Variants in HMGA2 observed in about 807,000 individuals in gnomAD.
HMGA2 encodes high mobility group protein HMGI-C.
In HMGA2, 8 loss-of-function variants were observed where a neutral mutation model predicts 19.1. The ratio of observed to expected loss-of-function variants is 0.42; its 90% CI spans 0.25 to 0.76. The LOEUF is 0.76. HMGA2 is among the 30% of genes least tolerant of loss of function. The pLI is 0.28. For synonymous variants in HMGA2, 60 were observed against 48.8 expected (o/e 1.23, Z -0.96); for missense variants, 109 against 136.3 (o/e 0.80, Z 1.00).
chr12:65,914,920 C>T (rs750590639), intron 3 of HMGA2: 1 of 1,138,884 alleles, frequency 8.8e-7, no homozygotes, highest in African/African-American at 1.5e-5. Context: ...GGTGAGCCAC[C>T]CACCTTGGCC....
intron 3 of HMGA2, among the ~76,000 whole-genome samples, chr12:65,951,049 C>T (rs1876440500): frequency 6.6e-6 from 1 of 152,050 alleles, no homozygotes; most frequent in Non-Finnish European, 1.5e-5. Flanking sequence ...TCCATTTAGG[C>T]CTCTGAGTAG....
chr12:65,918,002 C>T (rs1450713589), intron 3 of HMGA2, among the ~76,000 whole-genome samples: 1 of 152,148 alleles, frequency 6.6e-6, no homozygotes, highest in Non-Finnish European at 1.5e-5. Context: ...TTTGATAAGT[C>T]AAACTAAAAC....
At chr12:65,919,757 T>C (rs898039078) in intron 3 of HMGA2, among the ~76,000 whole-genome samples, 2 of 152,242 alleles carry the variant, frequency 1.3e-5, no homozygotes, top group African/African-American at 4.8e-5. Flanking sequence ...AGAATAGCTA[T>C]ATGAATCACA....
chr12:65,879,170 C>T (rs1427693601), intron 3 of HMGA2, among the ~76,000 whole-genome samples: 1 of 152,220 alleles, frequency 6.6e-6, no homozygotes, highest in Non-Finnish European at 1.5e-5. Flanking sequence ...CTCTGTCGCC[C>T]AGGCGGGAGT....
intron 3 of HMGA2, among the ~76,000 whole-genome samples, chr12:65,941,108 A>C (rs1876078036): frequency 6.6e-6 from 1 of 152,220 alleles, no homozygotes; most frequent in South Asian, 2.1e-4. Context: ...CTGAACCCAG[A>C]ATCATCCATT....
rs1188726843 is a variant in HMGA2 at position 65,825,869 on chromosome 12, C to T, written c.111+488C>T. 1 of 152,032 alleles carries T rather than the reference C, an allele frequency of 6.6e-6. No individual in the cohort carries two copies. The highest frequency in any genetic ancestry group is 2.4e-5 in the African/African-American group (1 of 41,350). 9.4% of individuals were successfully genotyped at this position (152,032 alleles called of 1,614,324 possible). ...TTCTCCCGCCTCCCGGGGCTGCTCGCGGGTCGGGGGCTGGCGCGCCGCAGC... is the reference window on the plus strand; with the variant it reads ...TTCTCCCGCCTCCCGGGGCTGCTCGTGGGTCGGGGGCTGGCGCGCCGCAGC... On this transcript the variant is annotated intron_variant, in intron 1 of 4. Coordinates refer to ENST00000403681, the MANE Select transcript of HMGA2 (RefSeq NM_003483.6). This position sits in a 1 kb window ranked among gnomAD's most constrained non-coding sequence, Gnocchi z 4.4.
At chr12:65,849,032 A>G in intron 3 of HMGA2, among the ~76,000 whole-genome samples, 1 of 152,176 alleles carries the variant, frequency 6.6e-6, no homozygotes. Context: ...GACTCATACG[A>G]TTATGGTTGG....
intron 3 of HMGA2, among the ~76,000 whole-genome samples, chr12:65,946,751 C>T (rs1467692844): frequency 6.6e-6 from 1 of 152,120 alleles, no homozygotes; most frequent in African/African-American, 2.4e-5. Flanking sequence ...AATGGCAGAC[C>T]ATTTCCTACA....
chr12:65,892,751 C>A (rs149536855), intron 3 of HMGA2, among the ~76,000 whole-genome samples: 1 of 152,226 alleles, frequency 6.6e-6, no homozygotes, highest in African/African-American at 2.4e-5. Context: ...CGTCCTCAAT[C>A]CATTCATCCT....
At chr12:65,941,449 G>A (rs1175439772) in intron 3 of HMGA2, among the ~76,000 whole-genome samples, 2 of 152,112 alleles carry the variant, frequency 1.3e-5, no homozygotes, top group African/African-American at 2.4e-5. Flanking sequence ...AATGTTTCTC[G>A]GAGTGAATAT....
At position 65,905,269 on chromosome 12, in the gene HMGA2, T is replaced by G. The variant is rs184507868; in HGVS notation, c.250-46114T>G. On this transcript the variant is annotated intron_variant, in intron 3 of 4. Transcript: ENST00000403681. Reference sequence around the variant, plus strand: ...TTCTGTATAATTAACAATATTGATATAGTCAGTTAAACCAAATGAAATTGC... The same window carrying G: ...TTCTGTATAATTAACAATATTGATAGAGTCAGTTAAACCAAATGAAATTGC... Among the ~76,000 whole-genome samples, 21 of 152,216 alleles carry G rather than the reference T, an allele frequency of 1.4e-4. No homozygotes were observed. The East Asian group carries it at 4.0e-3, about 29-fold the overall frequency.
chr12:65,908,675 T>C (rs966586455), intron 3 of HMGA2, among the ~76,000 whole-genome samples: 1 of 152,192 alleles, frequency 6.6e-6, no homozygotes, highest in Non-Finnish European at 1.5e-5. Flanking sequence ...CTTAATGTCT[T>C]CCTTGGCATC....
chr12:65,897,834 C>G (rs1874192964), intron 3 of HMGA2, among the ~76,000 whole-genome samples: 1 of 151,894 alleles, frequency 6.6e-6, no homozygotes, highest in South Asian at 2.1e-4. Flanking sequence ...GTGGCACGCC[C>G]CTGTTGTAAT....
At chr12:65,919,976 A>T (rs1305881066) in intron 3 of HMGA2, among the ~76,000 whole-genome samples, 1 of 152,240 alleles carries the variant, frequency 6.6e-6, no homozygotes, top group Non-Finnish European at 1.5e-5. Flanking sequence ...TTGTGCACAA[A>T]GTTGAATTCT....
At chr12:65,896,321 A>T (rs1186880226) in intron 3 of HMGA2, among the ~76,000 whole-genome samples, 7 of 152,196 alleles carry the variant, frequency 4.6e-5, no homozygotes, top group Admixed American at 2.0e-4. Context: ...CATTTTTCTC[A>T]GCTACAAAGG....
chr12:65,932,518 T>C (rs944813033), intron 3 of HMGA2, among the ~76,000 whole-genome samples: 6 of 152,202 alleles, frequency 3.9e-5, no homozygotes, highest in African/African-American at 7.2e-5. Context: ...TGAATGTATG[T>C]TGAATAAATG....
At chr12:65,854,360 G>A (rs1871623180) in intron 3 of HMGA2, among the ~76,000 whole-genome samples, 1 of 152,112 alleles carries the variant, frequency 6.6e-6, no homozygotes, top group African/African-American at 2.4e-5. Flanking sequence ...TTTCAGAGAC[G>A]TGCCTTGTGG....
intron 3 of HMGA2, among the ~76,000 whole-genome samples, chr12:65,883,869 C>T (rs142765837): frequency 4.9e-4 from 75 of 152,218 alleles, no homozygotes; most frequent in East Asian, 2.7e-3. Context: ...TCTCGTGGTT[C>T]GGTTTGTTAG....
chr12:65,909,117 A>G (rs958123315), intron 3 of HMGA2, among the ~76,000 whole-genome samples: 1 of 152,218 alleles, frequency 6.6e-6, no homozygotes, highest in Non-Finnish European at 1.5e-5. Flanking sequence ...ATGCTCAATA[A>G]TCACACATTA....
Sources: allele counts gnomAD v4.1 joint callset (sites outside exome capture counted in the v4.1 genomes callset), GRCh38; gene constraint gnomAD v4.1.1; non-coding constraint Gnocchi (gnomAD v3.1); transcripts MANE v1.5; gene names NCBI Gene and HGNC (gene_info 2026-07-23, HGNC 2026-07-21).